Variants in C8orf34 observed in about 807,000 individuals in gnomAD.
C8orf34 encodes chromosome 8 open reading frame 34, also known as uncharacterized protein C8orf34.
In C8orf34, 65 loss-of-function variants were observed where a neutral mutation model predicts 68.3. The observed-to-expected ratio is 0.95, with a 90% CI of 0.78 to 1.17. C8orf34 has a LOEUF of 1.17. Among genes scored for constraint, C8orf34 ranks in the 50% most tolerant of loss-of-function variants. The probability of loss-of-function intolerance (pLI) is 0.00; values close to 1 mark genes in which losing one functional copy is unlikely to be tolerated. For synonymous variants in C8orf34, 244 were observed against 241.2 expected, an observed-to-expected ratio of 1.01 and a Z score of -0.11; for missense variants, 664 against 655.4, an observed-to-expected ratio of 1.01 and a Z score of -0.14.
chr8:68,573,141 T>C (rs1193688624), intron 7 of C8orf34, among the ~76,000 whole-genome samples: 1 of 152,110 alleles, frequency 6.6e-6, no homozygotes, highest in Admixed American at 6.6e-5. Flanking sequence ...TGATTTTGGG[T>C]CTTTACCCTC....
At chr8:68,422,121 G>A (rs1159432507) in intron 1 of C8orf34, among the ~76,000 whole-genome samples, 1 of 152,102 alleles carries the variant, frequency 6.6e-6, no homozygotes, top group African/African-American at 2.4e-5. Flanking sequence ...TTCTGCTGCT[G>A]GCCCCTCCCA....
intron 12 of C8orf34, among the ~76,000 whole-genome samples, chr8:68,810,142 C>A (rs1416333795): frequency 1.3e-5 from 2 of 152,158 alleles, no homozygotes; most frequent in African/African-American, 4.8e-5. Context: ...CTTGGCCTGG[C>A]AGGCTGTGCT....
chr8:68,394,231 C>A (rs1464297294), intron 1 of C8orf34, among the ~76,000 whole-genome samples: 1 of 124,882 alleles, frequency 8.0e-6, no homozygotes, highest in African/African-American at 2.9e-5. Context: ...AATGCTATCC[C>A]TCCCCCCTCC....
chr8:68,541,801 A>G (rs1409383507), intron 7 of C8orf34, among the ~76,000 whole-genome samples: 1 of 152,206 alleles, frequency 6.6e-6, no homozygotes, highest in African/African-American at 2.4e-5. Flanking sequence ...ATGTGTTAGA[A>G]TGAATCTTGG....
At chr8:68,395,125 A>G (rs939399681) in intron 1 of C8orf34, among the ~76,000 whole-genome samples, 1 of 151,976 alleles carries the variant, frequency 6.6e-6, no homozygotes, top group Admixed American at 6.6e-5. Flanking sequence ...AAAAAGTACA[A>G]AAAGTATTTT....
intron 7 of C8orf34, among the ~76,000 whole-genome samples, chr8:68,597,975 G>A (rs1042859908): frequency 6.6e-6 from 1 of 152,034 alleles, no homozygotes; most frequent in Non-Finnish European, 1.5e-5. Flanking sequence ...CTACATTCAA[G>A]AACATTAATA....
Position 68,683,315 on chromosome 8 carries a change from G to A in C8orf34, c.1242-25679G>A, listed in dbSNP as rs144793234. Among the ~76,000 whole-genome samples the A allele has an allele frequency of 2.5e-3, 383 of 151,580 alleles. 1 individual carries two copies. The highest frequency in any genetic ancestry group is 0.014 in the Middle Eastern group (4 of 294). On this transcript the variant is annotated intron_variant, in intron 8 of 13. Transcript: ENST00000518698. Reference sequence around the variant, plus strand: ...TATAAGACTATCAGTCTTGCTCACTGTTAAAGTTTTAGAAACAGAATCAAT... The same window carrying A: ...TATAAGACTATCAGTCTTGCTCACTATTAAAGTTTTAGAAACAGAATCAAT...
chr8:68,485,711 C>T (rs1210144154), intron 4 of C8orf34, among the ~76,000 whole-genome samples: 1 of 75,310 alleles, frequency 1.3e-5, no homozygotes, highest in Non-Finnish European at 2.7e-5. Flanking sequence ...GACTCTGTCT[C>T]AAAAAAAAAT....
At chr8:68,812,808 C>G (rs887955803) in intron 12 of C8orf34, among the ~76,000 whole-genome samples, 1 of 152,100 alleles carries the variant, frequency 6.6e-6, no homozygotes, top group Non-Finnish European at 1.5e-5. Context: ...AGGGGCCACA[C>G]CTCAGTCTCT....
In C8orf34 at chr8:68,703,037, G is replaced by A. The variant is rs992147777; in HGVS notation, c.1242-5957G>A. 5.3e-5 allele frequency among the ~76,000 whole-genome samples: 8 copies of A among 152,018 alleles called. No homozygotes were observed. The South Asian group carries it at 1.0e-3, about 20-fold the overall frequency. ...AAGCAAAATTGTAACTACTGCTATC[G>A]CAACCAATCCCCTTAATGAGCTCTG... On this transcript the variant is annotated intron_variant, in intron 8 of 13. Coordinates refer to ENST00000518698, the MANE Select transcript of C8orf34 (RefSeq NM_052958.4).
chr8:68,526,932 G>GGCTCC (rs1448033466), intron 6 of C8orf34, among the ~76,000 whole-genome samples: 1 of 152,158 alleles, frequency 6.6e-6, no homozygotes, highest in East Asian at 1.9e-4. Context: ...AGGCTCAGGA[G>GGCTCC]GCTCCACCTG....
intron 13 of C8orf34, 86 bp downstream of exon 13, chr8:68,816,031 C>T (rs766702744): frequency 8.1e-5 from 130 of 1,604,270 alleles, no homozygotes; most frequent in Non-Finnish European, 1.0e-4. Flanking sequence ...TAAAAAAGTA[C>T]GTAGTCCTCA....
intron 1 of C8orf34, among the ~76,000 whole-genome samples, chr8:68,372,770 G>A (rs780191770): frequency 4.6e-5 from 7 of 152,080 alleles, no homozygotes; most frequent in Non-Finnish European, 1.0e-4. Flanking sequence ...CCCTCCGACA[G>A]GCCCCAGTGT....
chr8:68,540,438 G>C (rs73268426), intron 7 of C8orf34, among the ~76,000 whole-genome samples: 27,026 of 151,422 alleles, frequency 0.18, 2,930 homozygotes, highest in African/African-American at 0.3. Context: ...TTCAAGAATT[G>C]TCAAAAGAGG....
intron 8 of C8orf34, among the ~76,000 whole-genome samples, chr8:68,697,906 A>G (rs996912275): frequency 1.9e-4 from 29 of 152,216 alleles, no homozygotes; most frequent in Non-Finnish European, 3.2e-4. Flanking sequence ...GTTGCACGAC[A>G]GCTCACTTTC....
At chr8:68,802,454 A>G (rs1335665913) in intron 12 of C8orf34, among the ~76,000 whole-genome samples, 1 of 152,178 alleles carries the variant, frequency 6.6e-6, no homozygotes, top group South Asian at 2.1e-4. Flanking sequence ...TGGATGTACT[A>G]TAACTTATTT....
chr8:68,344,137 A>G (rs374314368), intron 1 of C8orf34, among the ~76,000 whole-genome samples: 7 of 152,318 alleles, frequency 4.6e-5, no homozygotes, highest in Admixed American at 3.3e-4. Context: ...TAGAAGTATT[A>G]TTTACAGTAG....
chr8:68,467,727 C>T (rs937597050), intron 3 of C8orf34, among the ~76,000 whole-genome samples: 4 of 151,904 alleles, frequency 2.6e-5, no homozygotes, highest in Non-Finnish European at 5.9e-5. Flanking sequence ...TTTTTCAGTC[C>T]TTCAAAGTAT....
At chr8:68,346,597 T>C (rs957918819) in intron 1 of C8orf34, among the ~76,000 whole-genome samples, 2 of 151,352 alleles carry the variant, frequency 1.3e-5, no homozygotes, top group Non-Finnish European at 2.9e-5. Flanking sequence ...TTTTTGCCTA[T>C]CTGTCTCTCC....
Sources: gnomAD v4.1 joint callset for allele counts (sites outside exome capture counted in the v4.1 genomes callset) on GRCh38, gnomAD v4.1.1 for gene constraint, MANE v1.5 for transcripts, NCBI Gene and HGNC (gene_info 2026-07-23, HGNC 2026-07-21) for gene names.